Variants in ACO2 observed in about 807,000 individuals in gnomAD.
The protein encoded by ACO2 is aconitate hydratase, mitochondrial.
Under a neutral mutation model 84.5 loss-of-function variants are expected in ACO2, and 31 were observed. The observed-to-expected ratio is 0.37, with a 90% confidence interval of 0.28 to 0.50. ACO2 has a LOEUF of 0.50. Among genes scored for constraint, ACO2 ranks in the 20% least tolerant of loss-of-function variants. The pLI is 0.97. For synonymous variants in ACO2, 414 were observed against 412.7 expected, an observed-to-expected ratio of 1.00 and a Z score of -0.04; for missense variants, 685 against 1,029.3, an observed-to-expected ratio of 0.67 and a Z score of 4.58.
At chr22:41,524,077 G>T (rs2066552826) in intron 12 of ACO2, 136 bp downstream of exon 12, 1 of 714,984 alleles carries the variant, frequency 1.4e-6, no homozygotes. Context: ...CCAGCCTCAG[G>T]CGCATGCTTG....
rs1449900947 is a variant in ACO2 at position 41,515,819 on chromosome 22, A to T, written c.737A>T (p.Asp246Val). The stretch of plus-strand genomic sequence containing the variant: ...CTCTCCGGTTGGTCCTCACCCAAAG[A>T]TGTGATCCTGAAGGTGGCAGGCATC... ...GSLSGWSSPK[D>V]VILKVAGILT... The change falls in exon 6 of 18, where the codon GAT (aspartate) becomes GTT (valine). Residue 246 changes from aspartate (D) to valine (V), a missense_variant. By Grantham distance (152) the Asp-to-Val change is radical. Coordinates refer to ENST00000216254, the MANE Select transcript of ACO2 (RefSeq NM_001098.3). This position sits in a 1 kb window ranked among gnomAD's most constrained non-coding sequence, Gnocchi z 5.8. The T allele has an allele frequency of 6.2e-7, 1 of 1,614,122 alleles. No homozygotes were observed. Among genetic ancestry groups the T allele is most frequent in the Admixed American group, 1.7e-5 (1 of 60,018 alleles).
chr22:41,526,164 T>C, intron 14 of ACO2, 98 bp from the exon 15 acceptor site: 1 of 1,133,756 alleles, frequency 8.8e-7, no homozygotes, highest in Non-Finnish European at 1.3e-6. Context: ...CTGTCACCCC[T>C]CCTGGGCCCC....
rs117369326 is a variant in ACO2, at chr22:41,469,330, G to A, written c.36+148G>A. On this transcript the variant is annotated intron_variant, in intron 1 of 17. Coordinates refer to ENST00000216254, the MANE Select transcript of ACO2 (RefSeq NM_001098.3). The stretch of plus-strand genomic sequence containing the variant: ...GGTTGTGGGCCCGGCACCCGTGCCC[G>A]CTTCTCTGGTGCCCTAGGTCAAGGC... 37,031 of 928,594 alleles carry A rather than the reference G, an allele frequency of 0.04. 947 individuals are homozygous for A. The highest frequency in any genetic ancestry group is 0.05 in the Non-Finnish European group (32,207 of 640,998). 57.5% of individuals were successfully genotyped at this position (928,594 alleles called of 1,614,324 possible).
At chr22:41,526,593 G>A (rs2066602154) in intron 15 of ACO2, 140 bp downstream of exon 15, 2 of 917,824 alleles carry the variant, frequency 2.2e-6, no homozygotes, top group Non-Finnish European at 3.1e-6. Flanking sequence ...GAAGGGAGGA[G>A]AGGCCTGCAG....
At chr22:41,504,393 A>G (rs1331218067) in intron 2 of ACO2, among the ~76,000 whole-genome samples, 2 of 152,242 alleles carry the variant, frequency 1.3e-5, no homozygotes, top group Non-Finnish European at 2.9e-5. Flanking sequence ...ATGGATATGA[A>G]GACCCATTTT....
chr22:41,527,831 G>A, intron 16 of ACO2, 70 bp from the exon 17 acceptor site: 1 of 1,611,330 alleles, frequency 6.2e-7, no homozygotes. Context: ...CAGAGCCCCA[G>A]ATGGGTTCAG....
chr22:41,525,492 G>A, intron 14 of ACO2, 144 bp downstream of exon 14: 1 of 1,081,866 alleles, frequency 9.2e-7, no homozygotes, highest in Non-Finnish European at 1.3e-6. Flanking sequence ...CTGCAGAGCA[G>A]AGAGGGTATC....
At chr22:41,470,484 T>C (rs1212447409) in intron 1 of ACO2, among the ~76,000 whole-genome samples, 1 of 151,220 alleles carries the variant, frequency 6.6e-6, no homozygotes, top group East Asian at 1.9e-4. Context: ...TGATCTCAAT[T>C]CCGGGCTAAG....
chr22:41,486,455 G>A (rs8136366), intron 1 of ACO2, among the ~76,000 whole-genome samples: 6,061 of 150,264 alleles, frequency 0.04, 408 homozygotes, highest in African/African-American at 0.14. Flanking sequence ...CACCACGCCC[G>A]GCTAACTTTT....
chr22:41,524,233 A>C (rs1432135856), intron 12 of ACO2, among the ~76,000 whole-genome samples: 2 of 152,208 alleles, frequency 1.3e-5, no homozygotes, highest in African/African-American at 2.4e-5. Flanking sequence ...GAGTGTGGCC[A>C]AGTCACTTAC....
intron 1 of ACO2, 94 bp downstream of exon 1, chr22:41,469,276 C>G (rs1043623348): frequency 6.3e-6 from 9 of 1,432,940 alleles, no homozygotes; most frequent in Admixed American, 2.1e-5. Context: ...CGGGCCCAAC[C>G]TGGGGCCAAC....
At position 41,527,969 on chromosome 22, in the gene ACO2, C is replaced by G. The variant is rs2066639142; in HGVS notation, c.2155C>G (p.His719Asp). Residue 719 changes from histidine to aspartate, a missense_variant, in exon 17 of 18, where the codon CAC (histidine) becomes GAC (aspartate). Physicochemically the swap from His to Asp is moderately conservative, Grantham distance 81. Transcript: ENST00000216254. The stretch of plus-strand genomic sequence containing the variant: ...TGACCCGGCTGACTACAACAAGATT[C>G]ACCCTGTGGACAAGCTGACCATTCA... ...FADPADYNKI[H>D]PVDKLTIQGL... 1 of 1,614,092 alleles carries G rather than the reference C, an allele frequency of 6.2e-7. No homozygotes were observed. Among genetic ancestry groups the G allele is most frequent in the African/African-American group, 1.3e-5 (1 of 74,938 alleles).
At chr22:41,490,050 C>T (rs1032637299) in intron 1 of ACO2, among the ~76,000 whole-genome samples, 5 of 152,086 alleles carry the variant, frequency 3.3e-5, no homozygotes, top group African/African-American at 9.7e-5. Flanking sequence ...AGGCCGGGCA[C>T]GGTGTCTTAC....
At chr22:41,487,242 A>C (rs544993504) in intron 1 of ACO2, among the ~76,000 whole-genome samples, 1 of 151,960 alleles carries the variant, frequency 6.6e-6, no homozygotes, top group African/African-American at 2.4e-5. Flanking sequence ...CTCTGTGCCA[A>C]ATTCCCTGGA....
At chr22:41,517,951 G>A (rs753393290) in intron 7 of ACO2, among the ~76,000 whole-genome samples, 1 of 152,218 alleles carries the variant, frequency 6.6e-6, no homozygotes, top group African/African-American at 2.4e-5. Flanking sequence ...AGGAAACTCC[G>A]GAAATGACAT....
At chr22:41,527,726 A>G in intron 16 of ACO2, 175 bp from the exon 17 acceptor site, 2 of 1,064,106 alleles carry the variant, frequency 1.9e-6, no homozygotes, top group East Asian at 2.5e-5. Flanking sequence ...ACCAGCGCAC[A>G]CTTGCTAGGG....
intron 8 of ACO2, 63 bp from the exon 9 acceptor site, chr22:41,520,108 C>A: frequency 7.0e-7 from 1 of 1,428,792 alleles, no homozygotes; most frequent in Non-Finnish European, 9.8e-7. Context: ...GTGAAAGAGG[C>A]TGTCCCCGCT....
At chr22:41,520,456 A>C (rs759516265) in intron 9 of ACO2, among the ~76,000 whole-genome samples, 180 bp downstream of exon 9, 13 of 152,106 alleles carry the variant, frequency 8.5e-5, no homozygotes, top group Non-Finnish European at 1.8e-4. Flanking sequence ...TTGAAATCCC[A>C]GCATTTCAGG....
chr22:41,473,079 T>G (rs1311127853), intron 1 of ACO2, among the ~76,000 whole-genome samples: 1 of 152,220 alleles, frequency 6.6e-6, no homozygotes, highest in Non-Finnish European at 1.5e-5. Flanking sequence ...AGATATCAGT[T>G]GTTATTAGAA....
Sources: gnomAD v4.1 joint callset for allele counts (sites outside exome capture counted in the v4.1 genomes callset) on GRCh38, gnomAD v4.1.1 for gene constraint, Gnocchi (gnomAD v3.1) non-coding constraint, MANE v1.5 for transcripts, NCBI Gene and HGNC (gene_info 2026-07-23, HGNC 2026-07-21) for gene names.